Variants in MYO9A observed in about 807,000 individuals in gnomAD.
MYO9A encodes the protein myosin IXA.
In MYO9A, 103 loss-of-function variants were observed where a neutral mutation model predicts 293.3. The observed-to-expected ratio is 0.35, with a 90% confidence interval of 0.30 to 0.41. The LOEUF is 0.41. MYO9A is among the 10% of genes least tolerant of loss of function. The probability of loss-of-function intolerance (pLI) is 1.00; values close to 1 mark genes in which losing one functional copy is unlikely to be tolerated. For synonymous variants in MYO9A, 1,001 were observed against 1,035.7 expected, an observed-to-expected ratio of 0.97 and a Z score of 0.64; for missense variants, 2,685 against 3,033.0, an observed-to-expected ratio of 0.89 and a Z score of 2.69.
chr15:71,925,249 A>G (rs950313713), intron 18 of MYO9A, among the ~76,000 whole-genome samples: 1 of 149,520 alleles, frequency 6.7e-6, no homozygotes, highest in Non-Finnish European at 1.5e-5. Context: ...ATATACATAT[A>G]CGTATACACA....
At chr15:72,028,214 A>AT (rs1555408252) in intron 3 of MYO9A, among the ~76,000 whole-genome samples, 2 of 37,550 alleles carry the variant, frequency 5.3e-5, no homozygotes, top group African/African-American at 1.3e-4. Context: ...TAAATAAATA[A>AT]ATAAATATAT....
At chr15:72,093,600 A>G (rs941227063) in intron 1 of MYO9A, among the ~76,000 whole-genome samples, 4 of 151,504 alleles carry the variant, frequency 2.6e-5, no homozygotes, top group African/African-American at 9.7e-5. Context: ...TTAAAAATCA[A>G]ATCAGGCCAG....
intron 40 of MYO9A, 106 bp from the exon 41 acceptor site, chr15:71,828,132 G>T: frequency 1.5e-6 from 2 of 1,330,780 alleles, no homozygotes; most frequent in Non-Finnish European, 2.1e-6. Flanking sequence ...AGCAAAGAGA[G>T]TCCATTTTTA....
intron 19 of MYO9A, among the ~76,000 whole-genome samples, chr15:71,906,758 C>CTTTTTTTTTTTTTTCT (rs2057659301): frequency 1.6e-5 from 1 of 61,012 alleles, no homozygotes; most frequent in African/African-American, 6.4e-5. Context: ...CCATTTCTTT[C>CTTTTTTTTTTTTTTCT]TTTTTTTTTT....
chr15:72,048,333 A>C (rs1245215399), intron 1 of MYO9A, among the ~76,000 whole-genome samples: 1 of 151,660 alleles, frequency 6.6e-6, no homozygotes, highest in African/African-American at 2.4e-5. Context: ...CGGGAGGCAG[A>C]GGTTACAGTG....
At chr15:71,859,856 T>G in intron 33 of MYO9A, 60 bp from the exon 34 acceptor site, 4 of 1,419,456 alleles carry the variant, frequency 2.8e-6, no homozygotes, top group Non-Finnish European at 3.0e-6. Flanking sequence ...GATAATAACT[T>G]ATCAAGTATA....
At chr15:72,065,243 C>T (rs375339612) in intron 1 of MYO9A, among the ~76,000 whole-genome samples, 1 of 152,080 alleles carries the variant, frequency 6.6e-6, no homozygotes, top group South Asian at 2.1e-4. Context: ...GAGCCAGGCA[C>T]GGTGGCTCAT....
At chr15:72,089,167 T>C (rs2079830416) in intron 1 of MYO9A, among the ~76,000 whole-genome samples, 1 of 152,092 alleles carries the variant, frequency 6.6e-6, no homozygotes, top group African/African-American at 2.4e-5. Context: ...GGTTTTTGTT[T>C]TTGTTTTTGT....
chr15:71,849,093 A>G, intron 38 of MYO9A, 125 bp from the exon 39 acceptor site: 1 of 922,842 alleles, frequency 1.1e-6, no homozygotes, highest in Non-Finnish European at 1.5e-6. Context: ...CTTACTTGAT[A>G]AACTCAGAGA....
At position 72,020,879 on chromosome 15, in the gene MYO9A, A is replaced by G. The variant is rs201802632; in HGVS notation, c.1098+39T>C. On this transcript the variant is annotated intron_variant, in intron 5 of 41. Transcript: ENST00000356056. ...ACATTTTTCAAGCATTAAATTTAAT[A>G]CTGCCCTATACTTCAAAATGCTTTT... 160 of 1,229,470 alleles carry G rather than the reference A, an allele frequency of 1.3e-4. 1 individual carries two copies. The East Asian group carries it at 3.3e-3, about 25-fold the overall frequency. 76.2% of individuals were successfully genotyped at this position (1,229,470 alleles called of 1,614,324 possible).
chr15:71,851,461 A>C, intron 36 of MYO9A, 103 bp from the exon 37 acceptor site: 1 of 846,076 alleles, frequency 1.2e-6, no homozygotes, highest in Non-Finnish European at 1.8e-6. Flanking sequence ...ACAGAGTTTT[A>C]GGAGTAGTTG....
chr15:72,029,707 T>C (rs960603926), intron 3 of MYO9A, among the ~76,000 whole-genome samples: 1 of 152,172 alleles, frequency 6.6e-6, no homozygotes, highest in African/African-American at 2.4e-5. Flanking sequence ...TAAACATCAA[T>C]TGTATATCTG....
intron 1 of MYO9A, among the ~76,000 whole-genome samples, chr15:72,100,470 G>C (rs891529595): frequency 6.6e-6 from 1 of 151,886 alleles, no homozygotes; most frequent in African/African-American, 2.4e-5. Flanking sequence ...AGTCTGGGAG[G>C]TGAGGAGCGT....
chr15:71,898,593 G>A lies in MYO9A; in HGVS notation c.3910C>T (p.Arg1304Cys), dbSNP rs771675565. 1.6e-5 allele frequency: 26 copies of A among 1,613,918 alleles called. 1 individual carries two copies. The highest frequency in any genetic ancestry group is 3.3e-4 in the Middle Eastern group (2 of 6,084). ...GGCACCAATTCTGTAGACCATCTGC[G>A]ATCCTCTGAAGGAGAAATACCACCA... ...SLGGISPSEDRRWSTELVPEG... is the reference protein window; with the variant it reads ...SLGGISPSEDCRWSTELVPEG... Residue 1304 changes from arginine (R) to cysteine (C), a missense_variant, in exon 25 of 42, where the codon CGC becomes TGC. By Grantham distance (180) the Arg-to-Cys change is radical (BLOSUM62 -3). This residue lies in a region of MYO9A where 1,434 missense variants were observed against 1,497.7 expected (regional missense o/e 0.96). Coordinates refer to ENST00000356056, the MANE Select transcript of MYO9A (RefSeq NM_006901.4).
chr15:71,883,968 C>A (rs901184162), intron 27 of MYO9A, among the ~76,000 whole-genome samples: 5 of 151,702 alleles, frequency 3.3e-5, no homozygotes, highest in African/African-American at 1.2e-4. Flanking sequence ...GATGAGGAAA[C>A]ATCTTGAATA....
At chr15:72,005,280 C>G (rs577974823) in intron 8 of MYO9A, among the ~76,000 whole-genome samples, 1 of 152,122 alleles carries the variant, frequency 6.6e-6, no homozygotes, top group Non-Finnish European at 1.5e-5. Flanking sequence ...CTGGTTTGCC[C>G]AATTCTCAGA....
At position 71,901,295 on chromosome 15, in the gene MYO9A, G is replaced by A; in HGVS notation, c.3046C>T (p.His1016Tyr). ...QERQHLQDLLHQEVLRRIILL... is the reference protein window; with the variant it reads ...QERQHLQDLLYQEVLRRIILL... ...ATGATTCTGCGGAGCACCTCTTGGT[G>A]AAGCAGATCTTGTAAGTGCTGTCGT... is the stretch of plus-strand genomic sequence containing the variant. Residue 1016 changes from histidine to tyrosine, a missense_variant, in exon 23 of 42, where the codon CAC becomes TAC. His to Tyr is a moderately conservative substitution (Grantham distance 83). Transcript: ENST00000356056. 1.2e-6 allele frequency: 2 copies of A among 1,613,954 alleles called. No homozygotes were observed. Among genetic ancestry groups the A allele is most frequent in the Admixed American group, 1.7e-5 (1 of 59,994 alleles).
At chr15:71,927,177 G>T (rs188304369) in intron 18 of MYO9A, among the ~76,000 whole-genome samples, 1 of 152,304 alleles carries the variant, frequency 6.6e-6, no homozygotes, top group Admixed American at 6.5e-5. Flanking sequence ...TTGGCAAAAT[G>T]TCTTTTGGCT....
At chr15:72,006,910 C>T (rs1032411077) in intron 8 of MYO9A, among the ~76,000 whole-genome samples, 2 of 152,120 alleles carry the variant, frequency 1.3e-5, no homozygotes, top group Admixed American at 1.3e-4. Context: ...TACAGGTTAA[C>T]AATTTTGATA....
Sources: gnomAD v4.1 joint callset for allele counts (sites outside exome capture counted in the v4.1 genomes callset) on GRCh38, gnomAD v4.1.1 for gene constraint, gnomAD v4.1.1 regional missense constraint, MANE v1.5 for transcripts, NCBI Gene and HGNC (gene_info 2026-07-23, HGNC 2026-07-21) for gene names.